Variants in PITPNM2 observed in about 807,000 individuals in gnomAD.
PITPNM2 encodes phosphatidylinositol transfer protein membrane associated 2.
A neutral mutation model predicts 132.2 loss-of-function variants in PITPNM2; 35 were observed. That is an observed-to-expected ratio of 0.26 (90% confidence interval 0.20 to 0.35). PITPNM2 has a LOEUF of 0.35. PITPNM2 is among the 10% of genes least tolerant of loss of function. The pLI, the probability that PITPNM2 is intolerant of heterozygous loss-of-function variation, is 1.00. For synonymous variants in PITPNM2, 738 were observed against 799.2 expected (o/e 0.92, Z 1.29); for missense variants, 1,332 against 1,912.0 (o/e 0.70, Z 5.66).
chr12:123,048,428 C>T (rs1355688902), intron 2 of PITPNM2, among the ~76,000 whole-genome samples: 5 of 147,070 alleles, frequency 3.4e-5, no homozygotes, highest in South Asian at 2.1e-4. Flanking sequence ...TTTTTTGAGA[C>T]GGAGTCTCGC....
intron 2 of PITPNM2, among the ~76,000 whole-genome samples, chr12:123,041,915 C>T (rs1174169190): frequency 6.6e-6 from 1 of 152,036 alleles, no homozygotes; most frequent in Non-Finnish European, 1.5e-5. Flanking sequence ...AGGTTCCAGA[C>T]CCTGGCATTC....
Position 122,996,926 on chromosome 12 carries a change from A to G in PITPNM2, c.1473-16T>C, listed in dbSNP as rs2038454808. ...GGGGCTGAGGCTGGGGAGAGGGGCC[A>G]GTCAAGAGAGGGCAGGCGGCTCCAG... On this transcript the variant is annotated splice_polypyrimidine_tract_variant and intron_variant, in intron 11 of 25. Transcript: ENST00000320201. 2 of 1,555,962 alleles carry G rather than the reference A, an allele frequency of 1.3e-6. No homozygotes were observed. Among genetic ancestry groups the G allele is most frequent in the Non-Finnish European group, 1.7e-6 (2 of 1,158,256 alleles).
At chr12:123,062,592 T>C (rs2041277800) in intron 2 of PITPNM2, among the ~76,000 whole-genome samples, 1 of 152,176 alleles carries the variant, frequency 6.6e-6, no homozygotes, top group African/African-American at 2.4e-5. Flanking sequence ...TCCTGAACTT[T>C]AGACAGGTAA....
intron 2 of PITPNM2, among the ~76,000 whole-genome samples, chr12:123,074,470 ACAC>A (rs1290584706): frequency 6.6e-6 from 1 of 151,996 alleles, no homozygotes; most frequent in African/African-American, 2.4e-5. Flanking sequence ...CACCTCACAC[ACAC>A]AACATACCAC....
chr12:123,122,969 A>G (rs2043061291), intron 1 of PITPNM2, among the ~76,000 whole-genome samples: 1 of 152,260 alleles, frequency 6.6e-6, no homozygotes, highest in Admixed American at 6.5e-5. Flanking sequence ...AGAGCAATTT[A>G]GCAATTGCTA....
intron 11 of PITPNM2, 58 bp from the exon 12 acceptor site, chr12:122,996,968 C>T (rs1260192214): frequency 1.4e-6 from 2 of 1,436,968 alleles, no homozygotes; most frequent in Non-Finnish European, 1.9e-6. Context: ...CCAAAGGGCC[C>T]CTCTCCCCTG....
rs1309815312 is a variant in PITPNM2, at chr12:123,095,169, C to T, written c.-96+15216G>A. On this transcript the variant is annotated intron_variant, in intron 2 of 25. Coordinates refer to ENST00000320201, the MANE Select transcript of PITPNM2 (RefSeq NM_020845.3). The surrounding 1 kb of genome is among the most constrained non-coding windows in gnomAD (Gnocchi z 5.0). ...CAGCAGGCTGATTCAGGGCTTGGAA[C>T]GTGGTGAGGGGGCCCAGGGGAATGG... Among the ~76,000 whole-genome samples the T allele has an allele frequency of 6.6e-6, 1 of 152,086 alleles. No individual in the cohort carries two copies. Among genetic ancestry groups the T allele is most frequent in the Non-Finnish European group, 1.5e-5 (1 of 68,000 alleles).
chr12:123,008,576 A>G lies in PITPNM2; in HGVS notation c.643+1274T>C, dbSNP rs12820906. Among the ~76,000 whole-genome samples the G allele has an allele frequency of 0.2, 30,164 of 152,128 alleles. 3,406 individuals are homozygous for G. The highest frequency in any genetic ancestry group is 0.31 in the Middle Eastern group (91 of 294). On this transcript the variant is annotated intron_variant, in intron 6 of 25. Transcript: ENST00000320201. This position sits in a 1 kb window ranked among gnomAD's most constrained non-coding sequence, Gnocchi z 4.1. Reference sequence around the variant, plus strand: ...CCAGTCTGTGAGCCCTGGGTAATGGAGAGAGGCAGGTTTGGGCCAATCTAA... The same window carrying G: ...CCAGTCTGTGAGCCCTGGGTAATGGGGAGAGGCAGGTTTGGGCCAATCTAA...
At chr12:123,001,901 T>A (rs1219578699) in intron 8 of PITPNM2, among the ~76,000 whole-genome samples, 1 of 151,840 alleles carries the variant, frequency 6.6e-6, no homozygotes, top group Non-Finnish European at 1.5e-5. Flanking sequence ...CGTGGTGGTG[T>A]GCGCCTGTAG....
intron 3 of PITPNM2, 116 bp downstream of exon 3, chr12:123,034,397 G>T: frequency 1.1e-6 from 1 of 949,420 alleles, no homozygotes. Context: ...TTACCAGGAA[G>T]TTCTGGGGCA....
In PITPNM2 at chr12:122,996,198, C is replaced by A. The variant is rs77478491; in HGVS notation, c.1782+260G>T. ...GTGCTGGGCTTCCTCAGCTCCCCTG[C>A]ACCCCCAACCCCTCCACAGCCCCTG... On this transcript the variant is annotated intron_variant, in intron 13 of 25. Coordinates refer to ENST00000320201, the MANE Select transcript of PITPNM2 (RefSeq NM_020845.3). 1.2e-3 allele frequency among the ~76,000 whole-genome samples: 190 copies of A among 152,376 alleles called. No homozygotes were observed. In the East Asian group the frequency reaches 0.023, roughly 19 times the overall value.
intron 23 of PITPNM2, 102 bp downstream of exon 23, chr12:122,987,179 G>A (rs541814629): frequency 5.1e-5 from 78 of 1,518,436 alleles, no homozygotes; most frequent in Non-Finnish European, 5.5e-5. Context: ...CGAGCCAGGC[G>A]TCCCCCACAG....
chr12:123,102,592 A>G lies in PITPNM2; in HGVS notation c.-96+7793T>C, dbSNP rs192400177. 2.6e-5 allele frequency among the ~76,000 whole-genome samples: 4 copies of G among 152,322 alleles called. 1 individual carries two copies. Among genetic ancestry groups the G allele is most frequent in the Admixed American group, 2.6e-4 (4 of 15,306 alleles). On this transcript the variant is annotated intron_variant, in intron 2 of 25. Coordinates refer to ENST00000320201, the MANE Select transcript of PITPNM2 (RefSeq NM_020845.3). ...CTCCCATCCCCCACAGGCAGCCCTCATACTGAGGAGTGTAAAGACGACAAC... is the reference window on the plus strand; with the variant it reads ...CTCCCATCCCCCACAGGCAGCCCTCGTACTGAGGAGTGTAAAGACGACAAC...
intron 16 of PITPNM2, chr12:122,991,789 G>C (rs746842541): frequency 1.5e-6 from 2 of 1,299,218 alleles, no homozygotes; most frequent in Non-Finnish European, 2.0e-6. Context: ...CGTCTTGCCA[G>C]GTGGGCGCGG....
intron 1 of PITPNM2, among the ~76,000 whole-genome samples, chr12:123,144,303 G>A (rs1028023547): frequency 6.6e-6 from 1 of 152,222 alleles, no homozygotes; most frequent in Admixed American, 6.5e-5. Flanking sequence ...TCTAGTTCTT[G>A]GGTGCAAGAT....
intron 2 of PITPNM2, among the ~76,000 whole-genome samples, chr12:123,067,791 T>G (rs1411180551): frequency 2.6e-5 from 4 of 152,154 alleles, no homozygotes; most frequent in Admixed American, 2.6e-4. Flanking sequence ...ATTGGGTTTG[T>G]GGCATTGGGA....
intron 2 of PITPNM2, among the ~76,000 whole-genome samples, chr12:123,052,269 T>G (rs762051520): frequency 6.6e-6 from 1 of 152,060 alleles, no homozygotes; most frequent in Non-Finnish European, 1.5e-5. Flanking sequence ...ACAGCGGGTT[T>G]GTTTGTTTCC....
In PITPNM2 at chr12:123,150,542, C is replaced by A. The variant is rs2043711955; in HGVS notation, c.-200+211G>T. Among the ~76,000 whole-genome samples the A allele has an allele frequency of 6.6e-6, 1 of 151,896 alleles. No homozygotes were observed. Among genetic ancestry groups the A allele is most frequent in the African/African-American group, 2.4e-5 (1 of 41,382 alleles). ...GCGACTCACTGAGGCCAGGCTCGGG[C>A]GGTCTCCCGAGCGGGGCTCCCGTAC... On this transcript the variant is annotated intron_variant, in intron 1 of 25. Coordinates refer to ENST00000320201, the MANE Select transcript of PITPNM2 (RefSeq NM_020845.3). The surrounding 1 kb of genome is among the most constrained non-coding windows in gnomAD (Gnocchi z 6.0).
rs1405901691 is a variant in PITPNM2, at chr12:123,023,713, C to T, written c.79-9671G>A. Reference sequence around the variant, plus strand: ...AAAACATAGGCATAAGTCCTATGAACTTGAACTGGCAATCGTTTTGGAGCC... The same window carrying T: ...AAAACATAGGCATAAGTCCTATGAATTTGAACTGGCAATCGTTTTGGAGCC... On this transcript the variant is annotated intron_variant, in intron 3 of 25. Coordinates refer to ENST00000320201, the MANE Select transcript of PITPNM2 (RefSeq NM_020845.3). The surrounding 1 kb of genome is among the most constrained non-coding windows in gnomAD (Gnocchi z 4.8). 6.6e-6 allele frequency among the ~76,000 whole-genome samples: 1 copy of T among 152,130 alleles called. No individual in the cohort carries two copies. The highest frequency in any genetic ancestry group is 2.4e-5 in the African/African-American group (1 of 41,410).
Sources: gnomAD v4.1 joint callset for allele counts (sites outside exome capture counted in the v4.1 genomes callset) on GRCh38, gnomAD v4.1.1 for gene constraint, Gnocchi (gnomAD v3.1) non-coding constraint, MANE v1.5 for transcripts, NCBI Gene and HGNC (gene_info 2026-07-23, HGNC 2026-07-21) for gene names.